Variants in LRP1B observed in about 807,000 individuals in gnomAD.
LRP1B encodes the protein low-density lipoprotein receptor-related protein 1B.
A neutral mutation model predicts 556.6 loss-of-function variants in LRP1B; 217 were observed. The observed-to-expected ratio is 0.39, with a 90% CI of 0.35 to 0.44. The LOEUF is 0.44. LRP1B is among the 20% of genes least tolerant of loss of function. The pLI, the probability that LRP1B is intolerant of heterozygous loss-of-function variation, is 1.00. For synonymous variants in LRP1B, 2,047 were observed against 1,865.8 expected (o/e 1.10, Z -2.50); for missense variants, 5,053 against 5,620.8 (o/e 0.90, Z 3.23).
At chr2:141,485,362 T>G (rs1285421396) in intron 2 of LRP1B, among the ~76,000 whole-genome samples, 2 of 152,112 alleles carry the variant, frequency 1.3e-5, no homozygotes, top group African/African-American at 4.8e-5. Flanking sequence ...CTGGAGTAAA[T>G]AGCAAATAAT....
intron 2 of LRP1B, among the ~76,000 whole-genome samples, chr2:141,538,165 C>T (rs1251020238): frequency 6.6e-6 from 1 of 152,132 alleles, no homozygotes; most frequent in African/African-American, 2.4e-5. Context: ...AAAAAGTCCA[C>T]ACAACCGCCA....
intron 18 of LRP1B, among the ~76,000 whole-genome samples, chr2:140,966,499 GC>G (rs1201449482): frequency 6.6e-6 from 1 of 152,120 alleles, no homozygotes; most frequent in Non-Finnish European, 1.5e-5. Context: ...TCTGTAGGTT[GC>G]CTGTTCACTC....
At chr2:140,772,812 A>G (rs1000382670) in intron 33 of LRP1B, among the ~76,000 whole-genome samples, 1 of 152,112 alleles carries the variant, frequency 6.6e-6, no homozygotes, top group Non-Finnish European at 1.5e-5. Context: ...AAGAGAAATA[A>G]GGGAATTGAA....
intron 2 of LRP1B, among the ~76,000 whole-genome samples, chr2:141,773,548 G>A (rs1382547426): frequency 6.6e-6 from 1 of 152,204 alleles, no homozygotes; most frequent in Non-Finnish European, 1.5e-5. Context: ...GGACATCTGT[G>A]GAATGAGAAA....
chr2:140,250,789 C>T (rs1325906149), intron 86 of LRP1B, among the ~76,000 whole-genome samples: 1 of 151,658 alleles, frequency 6.6e-6, no homozygotes, highest in Non-Finnish European at 1.5e-5. Context: ...AAATAATTCA[C>T]AAGTCACACT....
At chr2:141,306,920 G>A (rs1476198054) in intron 3 of LRP1B, among the ~76,000 whole-genome samples, 1 of 152,042 alleles carries the variant, frequency 6.6e-6, no homozygotes, top group Non-Finnish European at 1.5e-5. Context: ...AGTTTCCAAA[G>A]TTCCACTTGT....
chr2:141,781,233 G>A (rs1358249200), intron 2 of LRP1B, among the ~76,000 whole-genome samples: 1 of 151,944 alleles, frequency 6.6e-6, no homozygotes, highest in Non-Finnish European at 1.5e-5. Context: ...TTTGAGACAA[G>A]GTATGGTAAC....
At chr2:141,870,235 T>C (rs902286980) in intron 1 of LRP1B, among the ~76,000 whole-genome samples, 15 of 151,934 alleles carry the variant, frequency 9.9e-5, no homozygotes, top group Non-Finnish European at 1.8e-4. Flanking sequence ...TCAAAATGAC[T>C]CTTATTTTTA....
intron 14 of LRP1B, among the ~76,000 whole-genome samples, chr2:141,009,672 A>T (rs1446931430): frequency 6.6e-6 from 1 of 152,020 alleles, no homozygotes. Flanking sequence ...TATGTCTGTT[A>T]TACTAGTCCT....
At chr2:140,321,101 T>G (rs1290550135) in intron 82 of LRP1B, among the ~76,000 whole-genome samples, 1 of 152,108 alleles carries the variant, frequency 6.6e-6, no homozygotes, top group Non-Finnish European at 1.5e-5. Context: ...AAGTATTATG[T>G]GTGGATTTTC....
chr2:141,258,588 T>C lies in LRP1B; in HGVS notation c.344-3947A>G, dbSNP rs138998479. 3.1e-3 allele frequency among the ~76,000 whole-genome samples: 478 copies of C among 152,350 alleles called. 3 individuals carry two copies. Among genetic ancestry groups the C allele is most frequent in the African/African-American group, 0.011 (453 of 41,584 alleles). On this transcript the variant is annotated intron_variant, in intron 3 of 90. Coordinates refer to ENST00000389484, the MANE Select transcript of LRP1B (RefSeq NM_018557.3). ...GTTCTGTTTTTAAGGTATCTTTTTA[T>C]GACCTTGATATGATTTGGCTCTGTG... is the stretch of plus-strand genomic sequence containing the variant.
intron 1 of LRP1B, among the ~76,000 whole-genome samples, chr2:142,019,635 T>A (rs1703268662): frequency 6.6e-6 from 1 of 152,164 alleles, no homozygotes; most frequent in Non-Finnish European, 1.5e-5. Context: ...AACTCAGATT[T>A]TGGTGCCCTC....
intron 1 of LRP1B, among the ~76,000 whole-genome samples, chr2:141,927,277 ATGT>A (rs1165726952): frequency 6.6e-6 from 1 of 152,132 alleles, no homozygotes; most frequent in African/African-American, 2.4e-5. Context: ...CTATGGGTAA[ATGT>A]TGTGAATTTT....
chr2:140,889,337 C>T (rs1277820001), intron 23 of LRP1B, among the ~76,000 whole-genome samples: 1 of 152,118 alleles, frequency 6.6e-6, no homozygotes, highest in East Asian at 1.9e-4. Flanking sequence ...ACTCTGTTGC[C>T]CAGGCTGGAG....
chr2:142,119,994 C>T (rs1000922341), intron 1 of LRP1B, among the ~76,000 whole-genome samples: 1 of 152,006 alleles, frequency 6.6e-6, no homozygotes, highest in Non-Finnish European at 1.5e-5. Flanking sequence ...TGTGTAGATA[C>T]ATAAGAATAA....
At position 140,702,297 on chromosome 2, in the gene LRP1B, A is replaced by C. The variant is rs1364435821; in HGVS notation, c.6151-5T>G. On this transcript the variant is annotated splice_polypyrimidine_tract_variant and splice_region_variant and intron_variant, in intron 38 of 90. Transcript: ENST00000389484. ...ACACCAGTACAATTTATTTTCCTAA[A>C]TATCGATTAAGAAGTAACGTTACAG... The C allele has an allele frequency of 1.9e-6, 3 of 1,612,906 alleles. No individual in the cohort carries two copies. Among genetic ancestry groups the C allele is most frequent in the Non-Finnish European group, 2.5e-6 (3 of 1,179,446 alleles).
intron 3 of LRP1B, among the ~76,000 whole-genome samples, chr2:141,442,497 T>A (rs1188424615): frequency 1.3e-5 from 2 of 151,476 alleles, no homozygotes; most frequent in African/African-American, 2.4e-5. Context: ...TGTTACATAG[T>A]TATACAAGTG....
intron 41 of LRP1B, among the ~76,000 whole-genome samples, chr2:140,604,031 T>C (rs1682774576): frequency 6.6e-6 from 1 of 152,034 alleles, no homozygotes. Flanking sequence ...AATAGGACTT[T>C]GAATTACTGA....
intron 1 of LRP1B, among the ~76,000 whole-genome samples, chr2:141,958,272 G>T (rs1227939464): frequency 2.0e-5 from 3 of 151,998 alleles, no homozygotes; most frequent in African/African-American, 7.2e-5. Context: ...CAGCTGGGTG[G>T]CACAGTAAAT....
Sources: gnomAD v4.1 joint callset for allele counts (sites outside exome capture counted in the v4.1 genomes callset) on GRCh38, gnomAD v4.1.1 for gene constraint, MANE v1.5 for transcripts, NCBI Gene and HGNC (gene_info 2026-07-23, HGNC 2026-07-21) for gene names.